PIP4K2A: variants seen among roughly 807,000 people sequenced by gnomAD.
PIP4K2A encodes phosphatidylinositol-5-phosphate 4-kinase type 2 alpha.
A neutral mutation model predicts 42.9 loss-of-function variants in PIP4K2A; 14 were observed. That is an observed-to-expected ratio of 0.33 (90% confidence interval 0.22 to 0.51). The LOEUF (loss-of-function observed/expected upper bound fraction) is 0.51, where lower values mean the gene tolerates loss of function less well. Among genes scored for constraint, PIP4K2A ranks in the 20% least tolerant of loss-of-function variants. The probability of loss-of-function intolerance (pLI) is 0.97; values close to 1 mark genes in which losing one functional copy is unlikely to be tolerated. For missense variants in PIP4K2A, 434 were observed against 519.8 expected, an observed-to-expected ratio of 0.83 and a Z score of 1.61; for synonymous variants, 192 against 192.2, an observed-to-expected ratio of 1.00 and a Z score of 0.01.
At chr10:22,691,366 C>G (rs74121888) in intron 1 of PIP4K2A, among the ~76,000 whole-genome samples, 1 of 151,976 alleles carries the variant, frequency 6.6e-6, no homozygotes, top group Non-Finnish European at 1.5e-5. Context: ...TGACAGAGCC[C>G]TATGTTTATT....
At chr10:22,639,310 G>A (rs1202241804) in intron 1 of PIP4K2A, among the ~76,000 whole-genome samples, 2 of 150,492 alleles carry the variant, frequency 1.3e-5, no homozygotes, top group African/African-American at 4.9e-5. Flanking sequence ...CACCAGCTGA[G>A]CTTACCAGAA....
At chr10:22,565,907 C>T (rs576695785) in intron 6 of PIP4K2A, among the ~76,000 whole-genome samples, 15 of 152,240 alleles carry the variant, frequency 9.9e-5, no homozygotes, top group South Asian at 4.1e-4. Context: ...TCTCCCATAG[C>T]GCTCCCAGGC....
At chr10:22,570,625 A>G (rs971853401) in intron 5 of PIP4K2A, among the ~76,000 whole-genome samples, 1 of 152,238 alleles carries the variant, frequency 6.6e-6, no homozygotes, top group Non-Finnish European at 1.5e-5. Flanking sequence ...CACTTAGACT[A>G]GCATTTCTCT....
At chr10:22,560,953 G>A (rs1041069195) in intron 6 of PIP4K2A, among the ~76,000 whole-genome samples, 6 of 152,178 alleles carry the variant, frequency 3.9e-5, no homozygotes, top group Non-Finnish European at 7.3e-5. Context: ...TGAGTCGCTC[G>A]CTAGCAGGCA....
At chr10:22,596,806 C>G (rs1432626781) in intron 3 of PIP4K2A, among the ~76,000 whole-genome samples, 1 of 152,252 alleles carries the variant, frequency 6.6e-6, no homozygotes, top group African/African-American at 2.4e-5. Context: ...TTGCCCAACT[C>G]AGTTCTCCAA....
intron 6 of PIP4K2A, among the ~76,000 whole-genome samples, chr10:22,552,272 T>C (rs1836429595): frequency 6.6e-6 from 1 of 151,978 alleles, no homozygotes; most frequent in Non-Finnish European, 1.5e-5. Context: ...TAAAGCAGGA[T>C]GGGATGTGTA....
At chr10:22,705,426 TAA>T (rs150254345) in intron 1 of PIP4K2A, among the ~76,000 whole-genome samples, 8 of 29,266 alleles carry the variant, frequency 2.7e-4, no homozygotes, top group South Asian at 2.0e-3. Flanking sequence ...GTACCCCAGT[TAA>T]AAAAAAAAAA....
intron 1 of PIP4K2A, among the ~76,000 whole-genome samples, chr10:22,693,600 G>C: frequency 6.6e-6 from 1 of 152,282 alleles, no homozygotes; most frequent in Middle Eastern, 3.4e-3. Context: ...AGAGATCTGA[G>C]AGAGAAATTA....
chr10:22,562,170 A>C (rs563631991), intron 6 of PIP4K2A, among the ~76,000 whole-genome samples: 1 of 152,334 alleles, frequency 6.6e-6, no homozygotes, highest in East Asian at 1.9e-4. Context: ...CTAACTGATC[A>C]TGGAAAGAAA....
intron 2 of PIP4K2A, 30 bp from the exon 3 acceptor site, chr10:22,608,053 CAGAG>C: frequency 4.2e-6 from 6 of 1,428,162 alleles, no homozygotes; most frequent in Non-Finnish European, 4.9e-6. Flanking sequence ...GAATAAAGCT[CAGAG>C]AGAGTCAATC....
intron 4 of PIP4K2A, among the ~76,000 whole-genome samples, chr10:22,587,124 CAAAT>C (rs924380367): frequency 1.2e-4 from 19 of 152,178 alleles, no homozygotes; most frequent in African/African-American, 4.3e-4. Flanking sequence ...TTCAAATATT[CAAAT>C]AACTAGCCAT....
intron 1 of PIP4K2A, among the ~76,000 whole-genome samples, chr10:22,658,216 T>C (rs950457838): frequency 1.3e-5 from 2 of 152,164 alleles, no homozygotes; most frequent in African/African-American, 2.4e-5. Flanking sequence ...ACAATACAAA[T>C]CATTTTGGAA....
chr10:22,643,619 G>A (rs1258421415), intron 1 of PIP4K2A, among the ~76,000 whole-genome samples: 2 of 152,030 alleles, frequency 1.3e-5, no homozygotes, highest in Non-Finnish European at 2.9e-5. Flanking sequence ...CTCTCCAAGA[G>A]TCATAATTTC....
At chr10:22,566,473 A>G (rs1836850920) in intron 6 of PIP4K2A, among the ~76,000 whole-genome samples, 1 of 151,890 alleles carries the variant, frequency 6.6e-6, no homozygotes, top group South Asian at 2.1e-4. Context: ...CCTTCCCTCT[A>G]CGCACACTCC....
intron 4 of PIP4K2A, among the ~76,000 whole-genome samples, chr10:22,586,606 C>G (rs1223825814): frequency 6.6e-6 from 1 of 152,196 alleles, no homozygotes; most frequent in Non-Finnish European, 1.5e-5. Flanking sequence ...CCTCGGCTCA[C>G]TGCAACCTCC....
chr10:22,710,157 C>T (rs919164341), intron 1 of PIP4K2A, among the ~76,000 whole-genome samples: 2 of 151,880 alleles, frequency 1.3e-5, no homozygotes, highest in African/African-American at 4.8e-5. Context: ...AAGCTACTGA[C>T]GCTCCACCAA....
chr10:22,577,194 C>T (rs1837145268), intron 4 of PIP4K2A, among the ~76,000 whole-genome samples: 1 of 152,024 alleles, frequency 6.6e-6, no homozygotes, highest in Admixed American at 6.5e-5. Context: ...AGCAGAGACA[C>T]CTGGTTCTTG....
intron 1 of PIP4K2A, among the ~76,000 whole-genome samples, chr10:22,631,083 C>A (rs887052952): frequency 1.3e-5 from 2 of 152,202 alleles, no homozygotes; most frequent in Non-Finnish European, 2.9e-5. Flanking sequence ...TACTAACACA[C>A]CACAGGATAC....
chr10:22,642,839 C>A (rs896782674), intron 1 of PIP4K2A, among the ~76,000 whole-genome samples: 11 of 152,036 alleles, frequency 7.2e-5, no homozygotes, highest in Non-Finnish European at 1.0e-4. Context: ...AATCTTCAGA[C>A]CTTCCTAGAT....
Sources: gnomAD v4.1 joint callset for allele counts (sites outside exome capture counted in the v4.1 genomes callset) on GRCh38, gnomAD v4.1.1 for gene constraint, MANE v1.5 for transcripts, NCBI Gene and HGNC (gene_info 2026-07-23, HGNC 2026-07-21) for gene names.